Variants in SLC39A11 observed in about 807,000 individuals in gnomAD.
SLC39A11 encodes the protein solute carrier family 39 member 11.
A neutral mutation model predicts 36.1 loss-of-function variants in SLC39A11; 33 were observed. That is an observed-to-expected ratio of 0.91 (90% CI 0.69 to 1.22). The LOEUF is 1.22. Among genes scored for constraint, SLC39A11 ranks in the 50% most tolerant of loss-of-function variants. The probability of loss-of-function intolerance (pLI) is 0.00; values close to 1 mark genes in which losing one functional copy is unlikely to be tolerated. For missense variants in SLC39A11, 432 were observed against 430.3 expected (o/e 1.00, Z -0.03); for synonymous variants, 166 against 170.3 (o/e 0.97, Z 0.20).
At chr17:72,747,444 G>A (rs1189887461) in intron 6 of SLC39A11, among the ~76,000 whole-genome samples, 3 of 152,156 alleles carry the variant, frequency 2.0e-5, no homozygotes, top group Non-Finnish European at 4.4e-5. Context: ...GAGCCACCGC[G>A]CCTGGCCAAG....
intron 5 of SLC39A11, among the ~76,000 whole-genome samples, chr17:72,916,138 C>T (rs2083316972): frequency 6.6e-6 from 1 of 152,204 alleles, no homozygotes; most frequent in Non-Finnish European, 1.5e-5. Context: ...TTAATCTCAG[C>T]ACTGCATTCA....
chr17:72,889,671 A>G (rs994543828), intron 5 of SLC39A11, among the ~76,000 whole-genome samples: 19 of 152,210 alleles, frequency 1.2e-4, no homozygotes, highest in African/African-American at 4.3e-4. Flanking sequence ...TTGACTTATC[A>G]ATTTTCAACA....
chr17:72,877,181 C>A (rs928691503), intron 5 of SLC39A11, among the ~76,000 whole-genome samples: 1 of 152,174 alleles, frequency 6.6e-6, no homozygotes, highest in East Asian at 1.9e-4. Flanking sequence ...TCATTGTAAG[C>A]CTCAAGTTAT....
At chr17:72,786,828 T>C (rs936314983) in intron 6 of SLC39A11, among the ~76,000 whole-genome samples, 3 of 150,498 alleles carry the variant, frequency 2.0e-5, no homozygotes, top group Non-Finnish European at 3.0e-5. Context: ...CTATTTTTCT[T>C]GTTTTTTTTG....
At chr17:72,810,896 G>A (rs2077414801) in intron 6 of SLC39A11, among the ~76,000 whole-genome samples, 1 of 151,908 alleles carries the variant, frequency 6.6e-6, no homozygotes, top group Admixed American at 6.6e-5. Flanking sequence ...ATGTTGGCTG[G>A]GCTGGTCTCA....
At chr17:72,709,173 C>T (rs1463085806) in intron 7 of SLC39A11, among the ~76,000 whole-genome samples, 1 of 152,170 alleles carries the variant, frequency 6.6e-6, no homozygotes, top group Non-Finnish European at 1.5e-5. Flanking sequence ...CTTCTGACCT[C>T]GTGATCCATC....
intron 7 of SLC39A11, among the ~76,000 whole-genome samples, chr17:72,706,558 T>A (rs1345248797): frequency 1.3e-5 from 2 of 152,178 alleles, no homozygotes; most frequent in Non-Finnish European, 2.9e-5. Context: ...AAACAAATAA[T>A]TACTGAGCCT....
chr17:73,072,635 C>T (rs2060196783), intron 3 of SLC39A11: 1 of 152,286 alleles, frequency 6.6e-6, no homozygotes, highest in Non-Finnish European at 1.5e-5. Context: ...TTCCTTCCTT[C>T]CCCACTTTGT....
In SLC39A11 at chr17:72,648,793, G is replaced by A. The variant is rs746720890; in HGVS notation, c.929+10C>T. 6.2e-7 allele frequency: 1 copy of A among 1,613,972 alleles called. No individual in the cohort carries two copies. Among genetic ancestry groups the A allele is most frequent in the Non-Finnish European group, 8.5e-7 (1 of 1,180,006 alleles). On this transcript the variant is annotated intron_variant, in intron 9 of 9. Coordinates refer to ENST00000255559, the MANE Select transcript of SLC39A11 (RefSeq NM_139177.4). ...GGACAGGGACAGACAGGGAGGGAAG[G>A]TTCTCCAACCTGATCTGGGCTTCGG...
Position 72,701,075 on chromosome 17 carries a change from G to A in SLC39A11, c.671+35575C>T, listed in dbSNP as rs201983545. Among the ~76,000 whole-genome samples the A allele has an allele frequency of 7.9e-5, 12 of 152,362 alleles. No homozygotes were observed. In the East Asian group the frequency reaches 1.9e-3, roughly 24 times the overall value. On this transcript the variant is annotated intron_variant, in intron 7 of 9. Transcript: ENST00000255559. ...AAGCTCAGATGGGACGACGTGCTTG[G>A]GGGCCACATTCACCTTCCATCACAT...
rs145211486 is a variant in SLC39A11, at chr17:72,798,414, C to CTTTTTTTTTTTTTTTTTTTTTTTT, written c.601+51219_601+51220insAAAAAAAAAAAAAAAAAAAAAAAA. 1.4e-5 allele frequency among the ~76,000 whole-genome samples: 2 copies of CTTTTTTTTTTTTTTTTTTTTTTTT among 140,634 alleles called. 1 individual carries two copies. The allele number at this position is 140,634 out of a possible 152,430, so 92.3% of individuals were successfully genotyped here. ...GAGCTCTGGTCTCTTCCACTTCTTTCTTTCTTTTTTTTTTTTTGAGATGGA... is the reference window on the plus strand; with the variant it reads ...GAGCTCTGGTCTCTTCCACTTCTTTCTTTTTTTTTTTTTTTTTTTTTTTTTTTCTTTTTTTTTTTTTGAGATGGA... On this transcript the variant is annotated intron_variant, in intron 6 of 9. Coordinates refer to ENST00000255559, the MANE Select transcript of SLC39A11 (RefSeq NM_139177.4).
At chr17:72,669,289 T>G (rs770554546) in intron 7 of SLC39A11, among the ~76,000 whole-genome samples, 21 of 152,194 alleles carry the variant, frequency 1.4e-4, no homozygotes, top group Admixed American at 5.9e-4. Context: ...TTTATTCAAG[T>G]CTCATCAATT....
rs373166807 is a variant in SLC39A11, at chr17:73,005,438, G to A, written c.306+26118C>T. The stretch of plus-strand genomic sequence containing the variant: ...TGACTGTGTGTCTGATACTCTCTGC[G>A]TGTTATTTTATTTAACCCTCATGGC... On this transcript the variant is annotated intron_variant, in intron 4 of 9. Coordinates refer to ENST00000255559, the MANE Select transcript of SLC39A11 (RefSeq NM_139177.4). Among the ~76,000 whole-genome samples, 71 of 152,294 alleles carry A rather than the reference G, an allele frequency of 4.7e-4. No homozygotes were observed. The South Asian group carries it at 0.01, about 22-fold the overall frequency.
chr17:72,718,081 T>G (rs1348063563), intron 7 of SLC39A11, among the ~76,000 whole-genome samples: 1 of 152,204 alleles, frequency 6.6e-6, no homozygotes, highest in Non-Finnish European at 1.5e-5. Flanking sequence ...ATACAAAATC[T>G]CTATCTGTCC....
At chr17:72,876,024 TA>T (rs2080882826) in intron 5 of SLC39A11, among the ~76,000 whole-genome samples, 1 of 152,114 alleles carries the variant, frequency 6.6e-6, no homozygotes, top group Admixed American at 6.6e-5. Flanking sequence ...TAAATGTAAT[TA>T]AAAGTAGGTT....
At chr17:72,775,441 T>G (rs1008637314) in intron 6 of SLC39A11, among the ~76,000 whole-genome samples, 1 of 152,144 alleles carries the variant, frequency 6.6e-6, no homozygotes, top group African/African-American at 2.4e-5. Flanking sequence ...CTGGAGGCAC[T>G]GGGGAGTCAG....
rs2088791572 is a variant in SLC39A11 at position 72,986,711 on chromosome 17, G to A, written c.307-38836C>T. On this transcript the variant is annotated intron_variant, in intron 4 of 9. Transcript: ENST00000255559. ...CCGTGCACACATTCAGGTGTGAGAA[G>A]CACTTGTAGATTGGATATAAGACAT... 2.0e-5 allele frequency among the ~76,000 whole-genome samples: 3 copies of A among 152,168 alleles called. No individual in the cohort carries two copies. In the South Asian group the frequency reaches 6.2e-4, roughly 32 times the overall value.
chr17:72,846,915 G>C (rs1254170238), intron 6 of SLC39A11, among the ~76,000 whole-genome samples: 1 of 152,140 alleles, frequency 6.6e-6, no homozygotes, highest in Non-Finnish European at 1.5e-5. Context: ...CACTTAACAG[G>C]CTACAAGTTG....
intron 7 of SLC39A11, among the ~76,000 whole-genome samples, chr17:72,692,471 G>T (rs1227380266): frequency 1.3e-5 from 2 of 152,196 alleles, no homozygotes. Flanking sequence ...CAGAATCATG[G>T]CGGAAGGCAA....
Sources: allele counts gnomAD v4.1 joint callset (sites outside exome capture counted in the v4.1 genomes callset), GRCh38; gene constraint gnomAD v4.1.1; transcripts MANE v1.5; gene names NCBI Gene and HGNC (gene_info 2026-07-23, HGNC 2026-07-21).